SPEG: variants seen among roughly 807,000 people sequenced by gnomAD.
The protein encoded by SPEG is striated muscle enriched protein kinase, also known as striated muscle preferentially expressed protein kinase.
In SPEG, 114 loss-of-function variants were observed where a neutral mutation model predicts 300.4. The ratio of observed to expected loss-of-function variants is 0.38; its 90% CI spans 0.33 to 0.44. The LOEUF (loss-of-function observed/expected upper bound fraction) is 0.44, where lower values mean the gene tolerates loss of function less well. SPEG is among the 20% of genes least tolerant of loss of function. The pLI, the probability that SPEG is intolerant of heterozygous loss-of-function variation, is 1.00. For missense variants in SPEG, 4,201 were observed against 4,586.2 expected, an observed-to-expected ratio of 0.92 and a Z score of 2.43; for synonymous variants, 1,964 against 2,018.9, an observed-to-expected ratio of 0.97 and a Z score of 0.73.
chr2:219,466,033 A>T (rs1691311949), intron 9 of SPEG: 2 of 1,601,322 alleles, frequency 1.2e-6, no homozygotes, highest in South Asian at 1.1e-5. Flanking sequence ...CCGCTTGCTG[A>T]CTGAGGTTTT....
chr2:219,448,891 G>T lies in SPEG; in HGVS notation c.1733G>T (p.Gly578Val). 2 of 1,432,260 alleles carry T rather than the reference G, an allele frequency of 1.4e-6. No individual in the cohort carries two copies. The highest frequency in any genetic ancestry group is 2.9e-5 in the South Asian group (2 of 68,198). The allele number at this position is 1,432,260 out of a possible 1,614,324, so 88.7% of individuals were successfully genotyped here. The change falls in exon 4 of 41, where the codon GGC (glycine) becomes GTC (valine). Residue 578 changes from glycine (G) to valine (V), a missense_variant. This residue lies in a region of SPEG where 1,258 missense variants were observed against 1,293.9 expected (regional missense o/e 0.97). Coordinates refer to ENST00000312358, the MANE Select transcript of SPEG (RefSeq NM_005876.5). ...AGGCCCAGGAGCCGCGGGCCGGCGG[G>T]CAGGACAGAGCCGGGGGAAGGCCCG... ...PGRPRSRGPA[G>V]RTEPGEGPQQ... is the part of the protein sequence containing the mutation.
In SPEG at chr2:219,449,045, G is replaced by A. The variant is rs367886901; in HGVS notation, c.1887G>A (p.Arg629=). 1,522 of 1,519,224 alleles carry A rather than the reference G, an allele frequency of 1.0e-3. 13 individuals carry two copies. In the African/African-American group the frequency reaches 0.013, roughly 13 times the overall value. The allele number at this position is 1,519,224 out of a possible 1,614,324, so 94.1% of individuals were successfully genotyped here. The change falls in exon 4 of 41, where the codon CGG becomes CGA. Residue 629 remains arginine (R), a synonymous_variant. Transcript: ENST00000312358. Reference sequence around the variant, plus strand: ...CCAGGACGAAAGCACCCCCCGGTCGGAAGCGGGAGCCCCCGGCGCAGGCCG... The same window carrying A: ...CCAGGACGAAAGCACCCCCCGGTCGAAAGCGGGAGCCCCCGGCGCAGGCCG... ...PEARTKAPPG[R]KREPPAQAVR...
In SPEG at chr2:219,477,282, G is replaced by A. The variant is rs45519033; in HGVS notation, c.4566G>A (p.Glu1522=). Residue 1522 remains glutamate, a synonymous_variant, in exon 20 of 41, where the codon GAG becomes GAA. Transcript: ENST00000312358. The surrounding 1 kb of genome is among the most constrained non-coding windows in gnomAD (Gnocchi z 6.4). ...GGTGAGACCCCACTCTGCAGGACGA[G>A]GTGCTGCTGACCGAGAGCAGCCATG... ...PLPDIMWYKD[E]VLLTESSHVS... 0.069 allele frequency: 111,613 copies of A among 1,610,546 alleles called. 4,361 individuals are homozygous for A. The highest frequency in any genetic ancestry group is 0.078 in the Non-Finnish European group (91,896 of 1,179,072).
Position 219,464,215 on chromosome 2 carries a change from T to A in SPEG, c.2706-218T>A, listed in dbSNP as rs556828595. Among the ~76,000 whole-genome samples the A allele has an allele frequency of 6.6e-6, 1 of 151,598 alleles. No homozygotes were observed. Among genetic ancestry groups the A allele is most frequent in the East Asian group, 1.9e-4 (1 of 5,152 alleles). ...CCGAGAAGGGAGAGCTGCAGGCAGT[T>A]AGAAGTGACCTGGAAGCTCCTAGAG... On this transcript the variant is annotated intron_variant, in intron 8 of 40. Coordinates refer to ENST00000312358, the MANE Select transcript of SPEG (RefSeq NM_005876.5). The surrounding 1 kb of genome is among the most constrained non-coding windows in gnomAD (Gnocchi z 4.5).
rs1016461957 is a variant in SPEG at position 219,493,018 on chromosome 2, G to A, written c.*232G>A. On this transcript the variant is annotated 3_prime_UTR_variant, in exon 41 of 41. Transcript: ENST00000312358. ...GGAGACCCATTGGTCAGGCTCAGCA[G>A]GGTGGGAACAGGCAGAGGGACAAGA... 4.3e-5 allele frequency: 30 copies of A among 700,470 alleles called. 1 individual carries two copies. In the Middle Eastern group the frequency reaches 2.3e-3, roughly 53 times the overall value. 43.4% of individuals were successfully genotyped at this position (700,470 alleles called of 1,614,324 possible). A position where few individuals can be genotyped will look rare whatever the true frequency, so the allele number is the denominator to read the frequency against.
chr2:219,484,837 C>G lies in SPEG; in HGVS notation c.7374C>G (p.Ser2458Arg). The change falls in exon 30 of 41, where the codon AGC (serine) becomes AGG (arginine). Residue 2458 changes from serine (S) to arginine (R), a missense_variant. By Grantham distance (110) the Ser-to-Arg change is moderately radical (BLOSUM62 -1). Coordinates refer to ENST00000312358, the MANE Select transcript of SPEG (RefSeq NM_005876.5). ...TGCTGGCGATGCGCAGGCGGCTGAG[C>G]TTCACCCTGGAGCGGCTGTCCAGCC... ...SPVLAMRRRL[S>R]FTLERLSSRL... 1.3e-6 allele frequency: 2 copies of G among 1,514,836 alleles called. No homozygotes were observed. Among genetic ancestry groups the G allele is most frequent in the Non-Finnish European group, 1.8e-6 (2 of 1,139,518 alleles). The allele number at this position is 1,514,836 out of a possible 1,614,324, so 93.8% of individuals were successfully genotyped here.
Position 219,490,571 on chromosome 2 carries a change from C to T in SPEG, c.9084C>T (p.Ala3028=). The change falls in exon 37 of 41, where the codon GCC becomes GCT. Residue 3028 remains alanine (A), a synonymous_variant. Coordinates refer to ENST00000312358, the MANE Select transcript of SPEG (RefSeq NM_005876.5). The part of the protein sequence containing the change: ...HHERIMSLHE[A]YITPRYLVLI... ...AGCGGATCATGTCCCTGCACGAGGCCTACATCACCCCTCGGTACCTCGTGC... is the reference window on the plus strand; with the variant it reads ...AGCGGATCATGTCCCTGCACGAGGCTTACATCACCCCTCGGTACCTCGTGC... 6.2e-7 allele frequency: 1 copy of T among 1,614,022 alleles called. No homozygotes were observed. Among genetic ancestry groups the T allele is most frequent in the Admixed American group, 1.7e-5 (1 of 60,026 alleles).
At chr2:219,456,887 C>T (rs1336062250) in intron 6 of SPEG, among the ~76,000 whole-genome samples, 4 of 55,656 alleles carry the variant, frequency 7.2e-5, no homozygotes, top group East Asian at 9.1e-4. Flanking sequence ...CCGGCCTGGG[C>T]GACAGTGCGA....
intron 1 of SPEG, chr2:219,442,200 C>A: frequency 1.6e-6 from 1 of 612,984 alleles, no homozygotes; most frequent in Non-Finnish European, 2.2e-6. Context: ...CGGCGCCTGC[C>A]CCACCCGAGC....
chr2:219,460,961 C>T, intron 6 of SPEG: 1 of 985,626 alleles, frequency 1.0e-6, no homozygotes, highest in Non-Finnish European at 1.2e-6. Context: ...GCCTTCAGGA[C>T]AGGCACAGGC....
Position 219,464,668 on chromosome 2 carries a change from G to A in SPEG, c.2881+60G>A. 1 of 1,546,316 alleles carries A rather than the reference G, an allele frequency of 6.5e-7. No individual in the cohort carries two copies. The highest frequency in any genetic ancestry group is 8.9e-7 in the Non-Finnish European group (1 of 1,124,848). ...GCCCTGGCCCCTTCCTTCCCCCACTGTCTGCTCTCACACAGCCTCAGTTAG... is the reference window on the plus strand; with the variant it reads ...GCCCTGGCCCCTTCCTTCCCCCACTATCTGCTCTCACACAGCCTCAGTTAG... On this transcript the variant is annotated intron_variant, in intron 9 of 40. Coordinates refer to ENST00000312358, the MANE Select transcript of SPEG (RefSeq NM_005876.5). This position sits in a 1 kb window ranked among gnomAD's most constrained non-coding sequence, Gnocchi z 4.5.
intron 9 of SPEG, chr2:219,466,376 G>A (rs1156362002): frequency 2.7e-5 from 37 of 1,378,326 alleles, no homozygotes; most frequent in African/African-American, 8.7e-5. Context: ...GGGGAGCACC[G>A]GGCGAGTGCA....
In SPEG at chr2:219,485,075, G is replaced by A. The variant is rs1459700505; in HGVS notation, c.7609+3G>A. 1.3e-6 allele frequency: 2 copies of A among 1,531,816 alleles called. No homozygotes were observed. Among genetic ancestry groups the A allele is most frequent in the Admixed American group, 3.9e-5 (2 of 50,828 alleles). 94.9% of individuals were successfully genotyped at this position (1,531,816 alleles called of 1,614,324 possible). A position where few individuals can be genotyped will look rare whatever the true frequency, so the allele number is the denominator to read the frequency against. On this transcript the variant is annotated splice_donor_region_variant and intron_variant, in intron 30 of 40. Coordinates refer to ENST00000312358, the MANE Select transcript of SPEG (RefSeq NM_005876.5). ...CAGCGCCACGTCGGGCTCCTCAGGT[G>A]AGGAGGGGCAGGGGTAGGGCAGCAG...
At chr2:219,453,107 A>G (rs1689895422) in intron 6 of SPEG, among the ~76,000 whole-genome samples, 1 of 152,122 alleles carries the variant, frequency 6.6e-6, no homozygotes, top group South Asian at 2.1e-4. Context: ...CTCAGCTCCC[A>G]GCTCCCCTGA....
chr2:219,458,002 C>T lies in SPEG; in HGVS notation c.2441-3880C>T, dbSNP rs1690325648. 6.6e-6 allele frequency among the ~76,000 whole-genome samples: 1 copy of T among 152,154 alleles called. No individual in the cohort carries two copies. Among genetic ancestry groups the T allele is most frequent in the African/African-American group, 2.4e-5 (1 of 41,418 alleles). On this transcript the variant is annotated intron_variant, in intron 6 of 40. Coordinates refer to ENST00000312358, the MANE Select transcript of SPEG (RefSeq NM_005876.5). This position sits in a 1 kb window ranked among gnomAD's most constrained non-coding sequence, Gnocchi z 4.2. ...CCCTTACCTGCTGCTCTCTTGCTAC[C>T]TCATACTTCCTGCTTGCTCTTGTAG...
In SPEG at chr2:219,449,047, A is replaced by G. The variant is rs1237709159; in HGVS notation, c.1889A>G (p.Lys630Arg). Reference protein sequence around the residue: ...EARTKAPPGRKREPPAQAVRF... With the variant: ...EARTKAPPGRRREPPAQAVRF... ...AGGACGAAAGCACCCCCCGGTCGGAAGCGGGAGCCCCCGGCGCAGGCCGTG... is the reference window on the plus strand; with the variant it reads ...AGGACGAAAGCACCCCCCGGTCGGAGGCGGGAGCCCCCGGCGCAGGCCGTG... The change falls in exon 4 of 41, where the codon AAG becomes AGG. Residue 630 changes from lysine to arginine, a missense_variant. Lys to Arg is a conservative substitution (Grantham distance 26). Transcript: ENST00000312358. The G allele has an allele frequency of 6.6e-7, 1 of 1,518,832 alleles. No homozygotes were observed. Among genetic ancestry groups the G allele is most frequent in the Admixed American group, 2.1e-5 (1 of 48,072 alleles). 94.1% of individuals were successfully genotyped at this position (1,518,832 alleles called of 1,614,324 possible).
chr2:219,449,996 G>A (rs1169576073), intron 4 of SPEG, among the ~76,000 whole-genome samples: 2 of 152,164 alleles, frequency 1.3e-5, no homozygotes, highest in African/African-American at 2.4e-5. Context: ...GAGAGAGGCA[G>A]AGGAAGGCGT....
intron 32 of SPEG, 46 bp from the exon 33 acceptor site, chr2:219,488,452 T>A (rs570474408): frequency 6.5e-7 from 1 of 1,532,572 alleles, no homozygotes; most frequent in African/African-American, 1.4e-5. Context: ...GGCCTGGACA[T>A]GTGCTGCCTC....
At position 219,492,084 on chromosome 2, in the gene SPEG, C is replaced by T. The variant is rs907146; in HGVS notation, c.9462-27C>T. ...TGGGTGTTGGCCTCCGGTCTGCATA[C>T]GTCAATCAAGCTATCTTCCCCAACA... On this transcript the variant is annotated intron_variant, in intron 39 of 40. Transcript: ENST00000312358. 0.99 allele frequency: 1,591,927 copies of T among 1,602,200 alleles called. 791,406 individuals are homozygous for T. The highest frequency in any genetic ancestry group is 1 in the East Asian group (44,600 of 44,600).
Sources: gnomAD v4.1 joint callset for allele counts (sites outside exome capture counted in the v4.1 genomes callset) on GRCh38, gnomAD v4.1.1 for gene constraint, gnomAD v4.1.1 regional missense constraint, Gnocchi (gnomAD v3.1) non-coding constraint, MANE v1.5 for transcripts, NCBI Gene and HGNC (gene_info 2026-07-23, HGNC 2026-07-21) for gene names.